The following CFDP1 variants were observed in gnomAD, a reference collection of about 807,000 sequenced individuals.
The protein encoded by CFDP1 is chromatin remodeling protein CFDP1.
In CFDP1, 31 loss-of-function variants were observed where a neutral mutation model predicts 40.1. That is an observed-to-expected ratio of 0.77 (90% confidence interval 0.58 to 1.04). The LOEUF (loss-of-function observed/expected upper bound fraction) is 1.04, where lower values mean the gene tolerates loss of function less well. Ranked by LOEUF, CFDP1 falls within the 50% of genes least tolerant of loss-of-function variation. The pLI is 0.00. For missense variants in CFDP1, 423 were observed against 343.4 expected (o/e 1.23, Z -1.83); for synonymous variants, 167 against 120.0 (o/e 1.39, Z -2.56).
rs867493388 is a variant in CFDP1, at chr16:75,412,068, T to C, written c.403-116A>G. The C allele has an allele frequency of 7.7e-5, 85 of 1,097,628 alleles. No homozygotes were observed. In the Middle Eastern group the frequency reaches 1.9e-3, roughly 24 times the overall value. The allele number at this position is 1,097,628 out of a possible 1,614,324, so 68.0% of individuals were successfully genotyped here. The stretch of plus-strand genomic sequence containing the variant: ...TCTCACTCTGTAGCCCAAGCTGGAG[T>C]GCAGTAACACAATCTTGGCTCACTG... On this transcript the variant is annotated intron_variant, in intron 3 of 6. Transcript: ENST00000283882.
chr16:75,408,078 T>C (rs927575829), intron 4 of CFDP1, among the ~76,000 whole-genome samples: 1 of 136,862 alleles, frequency 7.3e-6, no homozygotes, highest in African/African-American at 2.7e-5. Flanking sequence ...CACCACAGCC[T>C]GGGTGACAAA....
intron 5 of CFDP1, among the ~76,000 whole-genome samples, chr16:75,340,383 C>T (rs1328519780): frequency 6.6e-6 from 1 of 152,218 alleles, no homozygotes; most frequent in Non-Finnish European, 1.5e-5. Context: ...AAGCTACAGA[C>T]AGGATCTGCT....
chr16:75,338,301 G>A (rs2078503825), intron 5 of CFDP1, among the ~76,000 whole-genome samples: 1 of 152,160 alleles, frequency 6.6e-6, no homozygotes, highest in South Asian at 2.1e-4. Flanking sequence ...GGGGACCACT[G>A]GGCCATTTCA....
chr16:75,313,907 C>T (rs151046600), intron 5 of CFDP1, among the ~76,000 whole-genome samples: 172 of 151,300 alleles, frequency 1.1e-3, no homozygotes, highest in African/African-American at 3.8e-3. Flanking sequence ...TTTTTTTAGA[C>T]GGAGCCTTGC....
At chr16:75,360,715 T>C (rs527833953) in intron 5 of CFDP1, among the ~76,000 whole-genome samples, 2 of 152,322 alleles carry the variant, frequency 1.3e-5, no homozygotes, top group African/African-American at 4.8e-5. Flanking sequence ...TTATTAATAA[T>C]TGTATTTATA....
At chr16:75,306,254 C>T (rs2078256180) in intron 5 of CFDP1, 1 of 152,212 alleles carries the variant, frequency 6.6e-6, no homozygotes, top group South Asian at 2.1e-4. Context: ...TCTCATCTAA[C>T]TCTCACTAAG....
intron 5 of CFDP1, among the ~76,000 whole-genome samples, chr16:75,315,718 T>C (rs2078319972): frequency 1.3e-5 from 2 of 152,234 alleles, no homozygotes; most frequent in Non-Finnish European, 2.9e-5. Flanking sequence ...TGTGGCCGTG[T>C]GGAGCCATTG....
chr16:75,407,349 T>C (rs1035016325), intron 4 of CFDP1, among the ~76,000 whole-genome samples: 1 of 152,146 alleles, frequency 6.6e-6, no homozygotes, highest in East Asian at 1.9e-4. Flanking sequence ...ACACATTTCA[T>C]AGAATGTTTT....
At chr16:75,369,438 C>A (rs912710905) in intron 5 of CFDP1, among the ~76,000 whole-genome samples, 2 of 151,906 alleles carry the variant, frequency 1.3e-5, no homozygotes, top group African/African-American at 4.8e-5. Context: ...AAAACCCGCA[C>A]ACTGCTATAC....
intron 5 of CFDP1, among the ~76,000 whole-genome samples, chr16:75,374,906 G>A (rs962801715): frequency 6.6e-6 from 1 of 152,052 alleles, no homozygotes; most frequent in African/African-American, 2.4e-5. Flanking sequence ...CATTTCAAGT[G>A]TTCAACAGCC....
intron 5 of CFDP1, among the ~76,000 whole-genome samples, chr16:75,375,894 T>C (rs996450200): frequency 6.6e-6 from 1 of 151,772 alleles, no homozygotes; most frequent in Non-Finnish European, 1.5e-5. Flanking sequence ...GGTACAACCA[T>C]CTTGAGGAAC....
chr16:75,356,877 G>C (rs1182863577), intron 5 of CFDP1, among the ~76,000 whole-genome samples: 3 of 146,396 alleles, frequency 2.0e-5, no homozygotes, highest in Admixed American at 6.8e-5. Context: ...GCTTCATCTT[G>C]TACTTCCATG....
chr16:75,327,176 A>G (rs2078408277), intron 5 of CFDP1, among the ~76,000 whole-genome samples: 1 of 152,182 alleles, frequency 6.6e-6, no homozygotes, highest in African/African-American at 2.4e-5. Context: ...CTGAGGCAGG[A>G]GAATAGCGTG....
chr16:75,407,978 C>T (rs2079117758), intron 4 of CFDP1, among the ~76,000 whole-genome samples: 1 of 151,926 alleles, frequency 6.6e-6, no homozygotes, highest in Non-Finnish European at 1.5e-5. Flanking sequence ...GTGGTGTATG[C>T]CTATAGTCCC....
chr16:75,303,427 G>GT lies in CFDP1; in HGVS notation c.809+1596dup, dbSNP rs1196163146. 2.7e-5 allele frequency among the ~76,000 whole-genome samples: 4 copies of GT among 150,320 alleles called. No homozygotes were observed. The East Asian group carries it at 7.8e-4, about 29-fold the overall frequency. On this transcript the variant is annotated intron_variant, in intron 6 of 6. Transcript: ENST00000283882. ...TGTATGTATGTATGTATGTATGTATGTTTAGGGAAAAAAAAACCATACTGG... is the reference window on the plus strand; with the variant it reads ...TGTATGTATGTATGTATGTATGTATGTTTTAGGGAAAAAAAAACCATACTGG...
At chr16:75,407,480 G>A (rs1319033894) in intron 4 of CFDP1, among the ~76,000 whole-genome samples, 2 of 151,478 alleles carry the variant, frequency 1.3e-5, no homozygotes, top group Non-Finnish European at 2.9e-5. Context: ...AGGTTCAAGA[G>A]CAGCCTGGGC....
chr16:75,329,690 TAAAG>T (rs2078431065), intron 5 of CFDP1, among the ~76,000 whole-genome samples: 1 of 152,336 alleles, frequency 6.6e-6, no homozygotes, highest in South Asian at 2.1e-4. Flanking sequence ...TTATTCCTAA[TAAAG>T]ACTGTCTACA....
chr16:75,344,725 AG>A (rs1472875010), intron 5 of CFDP1, among the ~76,000 whole-genome samples: 1 of 152,110 alleles, frequency 6.6e-6, no homozygotes, highest in African/African-American at 2.4e-5. Context: ...CAAGGTCAGG[AG>A]TTTGATACCA....
chr16:75,354,418 A>G (rs1240948110), intron 5 of CFDP1, among the ~76,000 whole-genome samples: 1 of 152,148 alleles, frequency 6.6e-6, no homozygotes, highest in Non-Finnish European at 1.5e-5. Context: ...GCCAGGGAGG[A>G]ATGTGAAGTC....
Sources: gnomAD v4.1 joint callset for allele counts (sites outside exome capture counted in the v4.1 genomes callset) on GRCh38, gnomAD v4.1.1 for gene constraint, MANE v1.5 for transcripts, NCBI Gene and HGNC (gene_info 2026-07-23, HGNC 2026-07-21) for gene names.